Variants in ZNF300 observed in about 807,000 individuals in gnomAD.
The protein encoded by ZNF300 is kruppel-like zinc finger protein.
ZNF300 carries 6 observed loss-of-function variants against 13.9 expected under a neutral mutation model. That is an observed-to-expected ratio of 0.43 (90% CI 0.24 to 0.85). ZNF300 has a LOEUF of 0.85. Ranked by LOEUF, ZNF300 falls within the 40% of genes least tolerant of loss-of-function variation. The pLI is 0.25. For missense variants in ZNF300, 662 were observed against 714.2 expected (o/e 0.93, Z 0.83); for synonymous variants, 237 against 242.2 (o/e 0.98, Z 0.20).
chr5:150,903,359 G>T, intron 2 of ZNF300, 177 bp from the exon 3 acceptor site: 1 of 1,548,718 alleles, frequency 6.5e-7, no homozygotes, highest in Non-Finnish European at 8.7e-7. Flanking sequence ...TGTGGAGGAG[G>T]GATCATTCTT....
chr5:150,897,038 G>A, intron 5 of ZNF300, 65 bp from the exon 6 acceptor site: 1 of 1,278,062 alleles, frequency 7.8e-7, no homozygotes, highest in Non-Finnish European at 1.1e-6. Context: ...TAAAGAAGTA[G>A]AACAAATGGA....
intron 3 of ZNF300, among the ~76,000 whole-genome samples, chr5:150,902,447 A>G (rs1445423578): frequency 2.6e-5 from 4 of 152,206 alleles, no homozygotes; most frequent in African/African-American, 9.6e-5. Context: ...ATCTGTAATC[A>G]ATTTGTTCCT....
At position 150,898,510 on chromosome 5, in the gene ZNF300, C is replaced by T; in HGVS notation, c.60G>A (p.Glu20=). 1.9e-6 allele frequency: 3 copies of T among 1,613,064 alleles called. No individual in the cohort carries two copies. The highest frequency in any genetic ancestry group is 1.7e-6 in the Non-Finnish European group (2 of 1,179,392). ...GAGAAGGGTCAAGTTGCTGCCACTC[C>T]TCCTGGGTGAAATCCACAGCCACAT... ...FKDVAVDFTQ[E]EWQQLDPSQR... is the part of the protein sequence containing the mutation. Residue 20 remains glutamate (E), a synonymous_variant, in exon 4 of 6, where the codon GAG becomes GAA. Transcript: ENST00000274599.
chr5:150,900,772 G>A (rs1458341940), intron 3 of ZNF300: 6 of 151,834 alleles, frequency 4.0e-5, no homozygotes, highest in Non-Finnish European at 7.4e-5. Context: ...TGTTTTATCT[G>A]AAGAAAAGTA....
rs1428656883 is a variant in ZNF300, at chr5:150,895,779, T to C, written c.1460A>G (p.His487Arg). The C allele has an allele frequency of 6.2e-7, 1 of 1,613,670 alleles. No individual in the cohort carries two copies. Among genetic ancestry groups the C allele is most frequent in the Admixed American group, 1.7e-5 (1 of 59,872 alleles). ...KSQLIIHQRTHTGEKPYKCSE... is the reference protein window; with the variant it reads ...KSQLIIHQRTRTGEKPYKCSE... ...ACATTTATAGGGTTTTTCTCCAGTA[T>C]GTGTTCTCTGATGTATGATGAGCTG... is the stretch of plus-strand genomic sequence containing the variant. Residue 487 changes from histidine (H) to arginine (R), a missense_variant, in exon 6 of 6, where the codon CAT becomes CGT. Transcript: ENST00000274599.
chr5:150,895,376 A>AATT lies in ZNF300; in HGVS notation c.*45_*47dup. ...TTATCAAATTAATTGGGTTTCTAGT[A>AATT]ATTATTAAGGCTTGAGCTAATACTA... On this transcript the variant is annotated 3_prime_UTR_variant, in exon 6 of 6. Transcript: ENST00000274599. 7.3e-7 allele frequency: 1 copy of AATT among 1,364,910 alleles called. No homozygotes were observed. The highest frequency in any genetic ancestry group is 9.8e-7 in the Non-Finnish European group (1 of 1,016,842). The allele number at this position is 1,364,910 out of a possible 1,614,324, so 84.5% of individuals were successfully genotyped here. A position where few individuals can be genotyped will look rare whatever the true frequency, so the allele number is the denominator to read the frequency against.
At chr5:150,900,698 TA>T (rs1238304994) in intron 3 of ZNF300, 1 of 152,092 alleles carries the variant, frequency 6.6e-6, no homozygotes, top group Non-Finnish European at 1.5e-5. Flanking sequence ...GAATCATGAT[TA>T]TAAAGAAAAA....
rs1754863323 is a variant in ZNF300 at position 150,898,150 on chromosome 5, C to A, written c.177G>T (p.Lys59Asn). ...YPVSKPDVIS[K>N]LEQGEEPWII... ...TCCATGGCTCTTCTCCTTGTTCCAA[C>A]TTGGAGATGACATCTGGTTTGGAAA... Residue 59 changes from lysine (K) to asparagine (N), a missense_variant, in exon 5 of 6, where the codon AAG (lysine) becomes AAT (asparagine). Coordinates refer to ENST00000274599, the MANE Select transcript of ZNF300 (RefSeq NM_052860.4). 6.2e-7 allele frequency: 1 copy of A among 1,613,410 alleles called. No individual in the cohort carries two copies. Among genetic ancestry groups the A allele is most frequent in the African/African-American group, 1.3e-5 (1 of 74,872 alleles).
chr5:150,896,709 G>A lies in ZNF300; in HGVS notation c.530C>T (p.Thr177Ile), dbSNP rs756148825. Residue 177 changes from threonine (T) to isoleucine (I), a missense_variant, in exon 6 of 6, where the codon ACA becomes ATA. Thr to Ile is a moderately conservative substitution (Grantham distance 89). Transcript: ENST00000274599. ...LGKIFQECIE[T>I]DISIQRFHKY... is the part of the protein sequence containing the mutation. Reference sequence around the variant, plus strand: ...ATGGAATCTCTGTATTGATATATCTGTTTCTATGCACTCTTGAAATATTTT... The same window carrying A: ...ATGGAATCTCTGTATTGATATATCTATTTCTATGCACTCTTGAAATATTTT... The A allele has an allele frequency of 1.2e-6, 2 of 1,613,376 alleles. No individual in the cohort carries two copies. Among genetic ancestry groups the A allele is most frequent in the Admixed American group, 3.3e-5 (2 of 59,870 alleles).
Position 150,895,900 on chromosome 5 carries a change from T to C in ZNF300, c.1339A>G (p.Ser447Gly), listed in dbSNP as rs1457968501. The change falls in exon 6 of 6, where the codon AGC becomes GGC. Residue 447 changes from serine to glycine, a missense_variant. By Grantham distance (56) the Ser-to-Gly change is moderately conservative. Transcript: ENST00000274599. ...YKCAQCEEAF[S>G]RKTELITHQL... ...TGTGTAATGAGTTCTGTCTTCCTGC[T>C]GAAGGCTTCCTCACATTGAGCACAT... 1.4e-5 allele frequency: 23 copies of C among 1,613,454 alleles called. No homozygotes were observed. Among genetic ancestry groups the C allele is most frequent in the Non-Finnish European group, 1.9e-5 (22 of 1,179,838 alleles).
intron 1 of ZNF300, 59 bp downstream of exon 1, chr5:150,904,645 C>T (rs1439291941): frequency 6.5e-6 from 1 of 152,732 alleles, no homozygotes; most frequent in East Asian, 1.9e-4. Flanking sequence ...ATTTCATAAA[C>T]CTCCTACCAC....
At chr5:150,897,109 A>G (rs1327954294) in intron 5 of ZNF300, 136 bp from the exon 6 acceptor site, 2 of 636,140 alleles carry the variant, frequency 3.1e-6, no homozygotes, top group Non-Finnish European at 5.4e-6. Flanking sequence ...CTCAGAAGAC[A>G]GTACAGCATA....
At chr5:150,903,313 GTT>G in intron 2 of ZNF300, 131 bp from the exon 3 acceptor site, 1 of 1,573,392 alleles carries the variant, frequency 6.4e-7, no homozygotes, top group Non-Finnish European at 8.6e-7. Context: ...GTGGGATAAG[GTT>G]GTTTGAGCCT....
intron 3 of ZNF300, among the ~76,000 whole-genome samples, chr5:150,902,520 G>A (rs1187153451): frequency 1.3e-5 from 2 of 152,144 alleles, no homozygotes; most frequent in Non-Finnish European, 2.9e-5. Context: ...CAGGCCATAC[G>A]GTTTCTGTTG....
chr5:150,899,387 A>C (rs186853344), intron 3 of ZNF300, among the ~76,000 whole-genome samples: 35 of 152,084 alleles, frequency 2.3e-4, no homozygotes, highest in Admixed American at 6.6e-5. Context: ...ATGATTATAG[A>C]GCAGAAATGC....
chr5:150,897,703 T>C (rs1055114540), intron 5 of ZNF300: 18 of 245,432 alleles, frequency 7.3e-5, no homozygotes, highest in Admixed American at 2.5e-4. Context: ...TCACATCTCT[T>C]TAGACTCTTA....
Position 150,896,771 on chromosome 5 carries a change from C to T in ZNF300, c.468G>A (p.Val156=), listed in dbSNP as rs746007753. 3.7e-6 allele frequency: 6 copies of T among 1,613,766 alleles called. No individual in the cohort carries two copies. Among genetic ancestry groups the T allele is most frequent in the Non-Finnish European group, 4.2e-6 (5 of 1,179,786 alleles). Reference sequence around the variant, plus strand: ...TATATTTATGCCCTGATGCCTCAGTCACTGTTTTGCTGTTAACAAATGTGA... The same window carrying T: ...TATATTTATGCCCTGATGCCTCAGTTACTGTTTTGCTGTTAACAAATGTGA... ...RQVTFVNSKT[V]TEASGHKYNP... Residue 156 remains valine (V), a synonymous_variant, in exon 6 of 6, where the codon GTG becomes GTA. Transcript: ENST00000274599.
rs1229377302 is a variant in ZNF300, at chr5:150,895,453, G to T, written c.1786C>A (p.Gln596Lys). 3 of 1,610,282 alleles carry T rather than the reference G, an allele frequency of 1.9e-6. No individual in the cohort carries two copies. Among genetic ancestry groups the T allele is most frequent in the Non-Finnish European group, 2.5e-6 (3 of 1,177,610 alleles). Reference protein sequence around the residue: ...FIQKSQLTVHQRIHTVVKS With the variant: ...FIQKSQLTVHKRIHTVVKS Reference sequence around the variant, plus strand: ...GATTTTACCACTGTGTGAATTCTCTGGTGTACAGTTAGTTGTGACTTCTGG... The same window carrying T: ...GATTTTACCACTGTGTGAATTCTCTTGTGTACAGTTAGTTGTGACTTCTGG... Residue 596 changes from glutamine to lysine, a missense_variant, in exon 6 of 6, where the codon CAG (glutamine) becomes AAG (lysine). Coordinates refer to ENST00000274599, the MANE Select transcript of ZNF300 (RefSeq NM_052860.4).
rs753161348 is a variant in ZNF300 at position 150,895,524 on chromosome 5, G to C, written c.1715C>G (p.Thr572Ser). 1 of 1,613,478 alleles carries C rather than the reference G, an allele frequency of 6.2e-7. No homozygotes were observed. The highest frequency in any genetic ancestry group is 1.3e-5 in the African/African-American group (1 of 74,874). The part of the protein sequence containing the change: ...SDLVLHQRIH[T>S]GERPYQCAIC... ...AGCACATTGATAGGGTCTTTCCCCA[G>C]TATGAATCCTCTGATGTAAAACAAG... Residue 572 changes from threonine (T) to serine (S), a missense_variant, in exon 6 of 6, where the codon ACT becomes AGT. Transcript: ENST00000274599.
Sources: gnomAD v4.1 joint callset for allele counts (sites outside exome capture counted in the v4.1 genomes callset) on GRCh38, gnomAD v4.1.1 for gene constraint, MANE v1.5 for transcripts, NCBI Gene and HGNC (gene_info 2026-07-23, HGNC 2026-07-21) for gene names.